Variants in GALNT13 observed in about 807,000 individuals in gnomAD.
GALNT13 encodes the protein UDP-GalNAc:polypeptide N-acetylgalactosaminyltransferase 13.
GALNT13 carries 28 observed loss-of-function variants against 64.2 expected under a neutral mutation model. The ratio of observed to expected loss-of-function variants is 0.44; its 90% confidence interval spans 0.32 to 0.60. The LOEUF (loss-of-function observed/expected upper bound fraction) is 0.60. GALNT13 is among the 20% of genes least tolerant of loss of function. The pLI, the probability that GALNT13 is intolerant of heterozygous loss-of-function variation, is 0.05. For synonymous variants in GALNT13, 214 were observed against 224.6 expected, an observed-to-expected ratio of 0.95 and a Z score of 0.42; for missense variants, 577 against 669.8, an observed-to-expected ratio of 0.86 and a Z score of 1.53.
At chr2:154,140,663 A>G (rs549168958) in intron 4 of GALNT13, among the ~76,000 whole-genome samples, 158 bp downstream of exon 4, 3 of 152,240 alleles carry the variant, frequency 2.0e-5, no homozygotes, top group Admixed American at 6.5e-5. Flanking sequence ...ATGCTGAAAA[A>G]GGCGAACTAT....
rs1701861628 is a variant in GALNT13 at position 154,451,266 on chromosome 2, CAA to C, written c.*717_*718del. On this transcript the variant is annotated 3_prime_UTR_variant, in exon 13 of 13. Transcript: ENST00000392825. ...GCACTTCGATCACTGTGAGAGAACT[CAA>C]AGTGGGTTGCAATCATTCCTAACAC... 1.3e-5 allele frequency: 2 copies of C among 152,208 alleles called. No homozygotes were observed. The highest frequency in any genetic ancestry group is 4.1e-4 in the South Asian group (2 of 4,828). The allele number at this position is 152,208 out of a possible 1,614,324, so 9.4% of individuals were successfully genotyped here.
At chr2:154,275,675 T>A (rs1340081361) in intron 8 of GALNT13, among the ~76,000 whole-genome samples, 1 of 152,026 alleles carries the variant, frequency 6.6e-6, no homozygotes, top group Non-Finnish European at 1.5e-5. Flanking sequence ...AAATGTGGGG[T>A]GCAAGCCCCC....
the GALNT13 span, among the ~76,000 whole-genome samples, chr2:153,863,996 C>T: frequency 1.3e-5 from 2 of 152,162 alleles, no homozygotes; most frequent in African/African-American, 2.4e-5. Flanking sequence ...GCAGCAAATC[C>T]ACATTGCCAT....
chr2:153,761,258 C>A, the GALNT13 span, among the ~76,000 whole-genome samples: 4 of 152,052 alleles, frequency 2.6e-5, no homozygotes, highest in Non-Finnish European at 5.9e-5. Context: ...CTACTACTAC[C>A]ATTTTGTAAT....
At chr2:153,157,374 C>T in the GALNT13 span, among the ~76,000 whole-genome samples, 1 of 152,204 alleles carries the variant, frequency 6.6e-6, no homozygotes. Flanking sequence ...TTTCTATCCT[C>T]TAGTCTGGGC....
chr2:153,462,186 CAAAAT>C, the GALNT13 span, among the ~76,000 whole-genome samples: 1 of 151,506 alleles, frequency 6.6e-6, no homozygotes, highest in Admixed American at 6.6e-5. Flanking sequence ...TTCAAAATAA[CAAAAT>C]AAAAATTGAT....
the GALNT13 span, among the ~76,000 whole-genome samples, chr2:153,379,679 A>G: frequency 6.6e-6 from 1 of 152,184 alleles, no homozygotes; most frequent in Non-Finnish European, 1.5e-5. Context: ...TAATACCACA[A>G]AAGAACTGAA....
At chr2:153,345,659 CTTTCTT>C in the GALNT13 span, among the ~76,000 whole-genome samples, 1 of 136,802 alleles carries the variant, frequency 7.3e-6, no homozygotes, top group Non-Finnish European at 1.6e-5. Flanking sequence ...TTCTTTCTTT[CTTTCTT>C]TCTTTCTTTC....
the GALNT13 span, among the ~76,000 whole-genome samples, chr2:153,701,760 CA>C: frequency 6.6e-6 from 1 of 152,022 alleles, no homozygotes; most frequent in Non-Finnish European, 1.5e-5. Context: ...TAGAGAAATG[CA>C]AATCAAAACC....
chr2:153,763,006 A>G, the GALNT13 span, among the ~76,000 whole-genome samples: 1 of 152,076 alleles, frequency 6.6e-6, no homozygotes, highest in Non-Finnish European at 1.5e-5. Flanking sequence ...TTGCTTTTGT[A>G]GAGTTACAAA....
At chr2:153,594,965 G>A in the GALNT13 span, among the ~76,000 whole-genome samples, 3 of 151,982 alleles carry the variant, frequency 2.0e-5, no homozygotes, top group African/African-American at 7.2e-5. Context: ...ACAGTCTCAG[G>A]AATGATGAAG....
In GALNT13 at chr2:154,241,966, C is replaced by A. The variant is rs1573940001; in HGVS notation, c.312-64C>A. ...TGAAGTTGTGTTATTATGGATATTT[C>A]TTTTTAAAATAATCAGGATAAAAAA... On this transcript the variant is annotated intron_variant, in intron 4 of 12. Transcript: ENST00000392825. 3.9e-6 allele frequency: 4 copies of A among 1,035,278 alleles called. No individual in the cohort carries two copies. The East Asian group carries it at 1.1e-4, about 27-fold the overall frequency. The allele number at this position is 1,035,278 out of a possible 1,614,324, so 64.1% of individuals were successfully genotyped here.
chr2:154,432,911 A>G (rs799768), intron 11 of GALNT13, among the ~76,000 whole-genome samples: 152,083 of 152,282 alleles, frequency 1, 75,942 homozygotes, highest in Middle Eastern at 1. Context: ...TCAGAATATG[A>G]AGAAGATTAC....
chr2:153,483,978 AT>A, the GALNT13 span, among the ~76,000 whole-genome samples: 1 of 152,158 alleles, frequency 6.6e-6, no homozygotes, highest in Non-Finnish European at 1.5e-5. Context: ...AAAAATATGA[AT>A]CTACTTAATG....
At chr2:153,197,439 C>T in the GALNT13 span, among the ~76,000 whole-genome samples, 1 of 152,324 alleles carries the variant, frequency 6.6e-6, no homozygotes, top group Non-Finnish European at 1.5e-5. Context: ...CAATGGCCAA[C>T]CAGTAGGTGC....
the GALNT13 span, among the ~76,000 whole-genome samples, chr2:153,608,300 G>A: frequency 6.6e-6 from 1 of 152,088 alleles, no homozygotes; most frequent in African/African-American, 2.4e-5. Context: ...AAATCGTGAG[G>A]ACAAGTGTCA....
At chr2:154,141,254 G>T (rs1683241305) in intron 4 of GALNT13, among the ~76,000 whole-genome samples, 1 of 151,966 alleles carries the variant, frequency 6.6e-6, no homozygotes, top group African/African-American at 2.4e-5. Context: ...TATACACTTA[G>T]GTTATACTAA....
At chr2:154,093,584 A>G (rs1701928085) in intron 3 of GALNT13, among the ~76,000 whole-genome samples, 1 of 152,006 alleles carries the variant, frequency 6.6e-6, no homozygotes, top group Non-Finnish European at 1.5e-5. Context: ...CACATTAAAG[A>G]TGAAATAGAT....
chr2:154,061,102 G>T (rs1191897234), intron 3 of GALNT13, among the ~76,000 whole-genome samples: 1 of 151,898 alleles, frequency 6.6e-6, no homozygotes, highest in Non-Finnish European at 1.5e-5. Context: ...GGCCAAATAA[G>T]AATATTACAA....
Sources: gnomAD v4.1 joint callset for allele counts (sites outside exome capture counted in the v4.1 genomes callset) on GRCh38, gnomAD v4.1.1 for gene constraint, MANE v1.5 for transcripts, NCBI Gene and HGNC (gene_info 2026-07-23, HGNC 2026-07-21) for gene names.